Variants in ASB4 observed in about 807,000 individuals in gnomAD.
The protein encoded by ASB4 is ankyrin repeat and SOCS box containing 4.
Under a neutral mutation model 38.6 loss-of-function variants are expected in ASB4, and 35 were observed. That is an observed-to-expected ratio of 0.91 (90% confidence interval 0.69 to 1.20). ASB4 has a LOEUF of 1.20. ASB4 is among the 50% of genes most tolerant of loss of function. ASB4 has a pLI of 0.00. For synonymous variants in ASB4, 195 were observed against 201.3 expected (o/e 0.97, Z 0.26); for missense variants, 557 against 527.2 (o/e 1.06, Z -0.55).
intron 2 of ASB4, among the ~76,000 whole-genome samples, chr7:95,520,484 A>G (rs1447093083): frequency 6.6e-6 from 1 of 152,220 alleles, no homozygotes; most frequent in African/African-American, 2.4e-5. Context: ...TCAAAAGTAA[A>G]TAAGTTGAGA....
At chr7:95,497,614 T>G (rs920542254) in intron 2 of ASB4, among the ~76,000 whole-genome samples, 1 of 152,224 alleles carries the variant, frequency 6.6e-6, no homozygotes, top group African/African-American at 2.4e-5. Context: ...ATTTAACATT[T>G]TGAGAAATAT....
intron 2 of ASB4, among the ~76,000 whole-genome samples, chr7:95,523,006 G>A (rs1044489334): frequency 6.6e-6 from 1 of 152,090 alleles, no homozygotes; most frequent in Non-Finnish European, 1.5e-5. Flanking sequence ...AAATTTTATA[G>A]GGTATAGTTT....
At chr7:95,517,350 T>C (rs1041646567) in intron 2 of ASB4, among the ~76,000 whole-genome samples, 1 of 152,120 alleles carries the variant, frequency 6.6e-6, no homozygotes, top group African/African-American at 2.4e-5. Flanking sequence ...TAATAGTTCT[T>C]TATGTATTCT....
chr7:95,485,787 T>G (rs551549174), upstream of ASB4: 23 of 534,334 alleles, frequency 4.3e-5, no homozygotes, highest in African/African-American at 4.1e-4. Flanking sequence ...TTAAAGGACC[T>G]GAAAATGTAG....
intron 2 of ASB4, among the ~76,000 whole-genome samples, chr7:95,505,406 G>A (rs116922441): frequency 0.021 from 3,151 of 152,108 alleles, 58 homozygotes; most frequent in Non-Finnish European, 0.029. Flanking sequence ...TAGCAAAAGA[G>A]GTGGAAGAAA....
At chr7:95,524,501 A>G (rs1790709663) in intron 2 of ASB4, among the ~76,000 whole-genome samples, 1 of 152,170 alleles carries the variant, frequency 6.6e-6, no homozygotes, top group South Asian at 2.1e-4. Flanking sequence ...CAATAATTAA[A>G]AAAAACTGTA....
intron 1 of ASB4, among the ~76,000 whole-genome samples, chr7:95,486,422 C>G (rs1790092359): frequency 6.6e-6 from 1 of 152,204 alleles, no homozygotes; most frequent in African/African-American, 2.4e-5. Flanking sequence ...GCAATGCACT[C>G]TCTCTGTTTT....
At chr7:95,482,535 G>T (rs1173479359), upstream of ASB4, among the ~76,000 whole-genome samples, 1 of 152,172 alleles carries the variant, frequency 6.6e-6, no homozygotes, top group Non-Finnish European at 1.5e-5. Flanking sequence ...GCCGTTGTGA[G>T]ACTCAAGGAT....
At chr7:95,544,326 G>T (rs891797076), downstream of ASB4, 1 of 152,174 alleles carries the variant, frequency 6.6e-6, no homozygotes, top group Non-Finnish European at 1.5e-5. Flanking sequence ...CGTCATTACA[G>T]TCTTTCAGGG....
intron 2 of ASB4, among the ~76,000 whole-genome samples, chr7:95,514,375 G>A (rs1790525940): frequency 6.6e-6 from 1 of 152,114 alleles, no homozygotes; most frequent in African/African-American, 2.4e-5. Flanking sequence ...ACTTACCAAA[G>A]CCCTTTAGCA....
chr7:95,528,014 A>G lies in ASB4; in HGVS notation c.689A>G (p.Glu230Gly), dbSNP rs1055506277. The change falls in exon 3 of 5, where the codon GAG (glutamate) becomes GGG (glycine). Residue 230 changes from glutamate (E) to glycine (G), a missense_variant. Physicochemically the swap from Glu to Gly is moderately conservative, Grantham distance 98 (BLOSUM62 -2). Transcript: ENST00000325885. ...LRFKEQEYST[E>G]HHLVCRMLLD... ...TTTAAGGAGCAGGAGTACAGCACGGAGCACCACCTGGTCTGCCGCATGCTG... is the reference window on the plus strand; with the variant it reads ...TTTAAGGAGCAGGAGTACAGCACGGGGCACCACCTGGTCTGCCGCATGCTG... 1.2e-6 allele frequency: 2 copies of G among 1,614,004 alleles called. No individual in the cohort carries two copies. Among genetic ancestry groups the G allele is most frequent in the African/African-American group, 1.3e-5 (1 of 74,916 alleles).
intron 2 of ASB4, among the ~76,000 whole-genome samples, chr7:95,526,853 T>C (rs746340372): frequency 7.2e-5 from 11 of 152,232 alleles, no homozygotes; most frequent in Non-Finnish European, 1.5e-4. Flanking sequence ...AAGGGTCATT[T>C]GGTTCACCTC....
At chr7:95,543,630 G>A (rs763904729), downstream of ASB4, 1 of 152,188 alleles carries the variant, frequency 6.6e-6, no homozygotes, top group African/African-American at 2.4e-5. Flanking sequence ...CCTGGGGTTT[G>A]GGAGGGAATT....
intron 4 of ASB4, among the ~76,000 whole-genome samples, chr7:95,536,911 T>C (rs1790896966): frequency 6.6e-6 from 1 of 152,152 alleles, no homozygotes; most frequent in Admixed American, 6.5e-5. Context: ...TTTCATTTAC[T>C]TTTAAATATC....
In ASB4 at chr7:95,528,208, G is replaced by T; in HGVS notation, c.883G>T (p.Val295Phe). ...TGCTGCCATCCAGTACGTGCTGAAG[G>T]TCACCTCCGTGCGCCCTGCTGCCCA... is the stretch of plus-strand genomic sequence containing the variant. Reference protein sequence around the residue: ...GCAAIQYVLKVTSVRPAAQPE... With the variant: ...GCAAIQYVLKFTSVRPAAQPE... The change falls in exon 3 of 5, where the codon GTC (valine) becomes TTC (phenylalanine). Residue 295 changes from valine to phenylalanine, a missense_variant. Physicochemically the swap from Val to Phe is conservative, Grantham distance 50 (BLOSUM62 -1). Coordinates refer to ENST00000325885, the MANE Select transcript of ASB4 (RefSeq NM_016116.3). 1 of 1,614,158 alleles carries T rather than the reference G, an allele frequency of 6.2e-7. No homozygotes were observed. The highest frequency in any genetic ancestry group is 8.5e-7 in the Non-Finnish European group (1 of 1,180,034).
upstream of ASB4, among the ~76,000 whole-genome samples, chr7:95,477,906 CA>C (rs1427193112): frequency 1.3e-5 from 2 of 149,704 alleles, no homozygotes; most frequent in Admixed American, 6.7e-5. Context: ...GCTTTGTCTG[CA>C]AATTTGTTGT....
At chr7:95,514,174 G>A (rs1237681946) in intron 2 of ASB4, among the ~76,000 whole-genome samples, 1 of 151,892 alleles carries the variant, frequency 6.6e-6, no homozygotes, top group African/African-American at 2.4e-5. Flanking sequence ...TTGAATACAG[G>A]TCTCTCACCC....
In ASB4 at chr7:95,496,003, C is replaced by A. The variant is rs773643647; in HGVS notation, c.433C>A (p.His145Asn). ...CTCCTTAAGTGGACACACAGCTTTG[C>A]ACTTTTGTACAACTCCAAGTTCCAT... ...CYSLSGHTAL[H>N]FCTTPSSILC... The change falls in exon 2 of 5, where the codon CAC becomes AAC. Residue 145 changes from histidine to asparagine, a missense_variant. Physicochemically the swap from His to Asn is moderately conservative, Grantham distance 68. Coordinates refer to ENST00000325885, the MANE Select transcript of ASB4 (RefSeq NM_016116.3). The A allele has an allele frequency of 6.2e-7, 1 of 1,613,968 alleles. No homozygotes were observed. The highest frequency in any genetic ancestry group is 1.1e-5 in the South Asian group (1 of 91,078).
chr7:95,540,195 A>G lies in ASB4; in HGVS notation c.*2436A>G, dbSNP rs1790951600. 1 of 152,110 alleles carries G rather than the reference A, an allele frequency of 6.6e-6. No homozygotes were observed. Among genetic ancestry groups the G allele is most frequent in the Admixed American group, 6.5e-5 (1 of 15,272 alleles). 9.4% of individuals were successfully genotyped at this position (152,110 alleles called of 1,614,324 possible). ...AATTTTTCCTTATCTTTGAACTTTT[A>G]TTTAGAGAACTTAAATAAAGCTCTT... On this transcript the variant is annotated 3_prime_UTR_variant, in exon 5 of 5. Transcript: ENST00000325885.
Sources: allele counts gnomAD v4.1 joint callset (sites outside exome capture counted in the v4.1 genomes callset), GRCh38; gene constraint gnomAD v4.1.1; transcripts MANE v1.5; gene names NCBI Gene and HGNC (gene_info 2026-07-23, HGNC 2026-07-21).